Variants in DIS3L2 observed in about 807,000 individuals in gnomAD.
DIS3L2 encodes the protein DIS3-like exonuclease 2.
In DIS3L2, 34 loss-of-function variants were observed where a neutral mutation model predicts 97.5. That is an observed-to-expected ratio of 0.35 (90% CI 0.27 to 0.46). The LOEUF (loss-of-function observed/expected upper bound fraction) is 0.46. DIS3L2 is among the 20% of genes least tolerant of loss of function. The pLI is 1.00. For missense variants in DIS3L2, 1,038 were observed against 1,146.0 expected, an observed-to-expected ratio of 0.91 and a Z score of 1.36; for synonymous variants, 435 against 445.2, an observed-to-expected ratio of 0.98 and a Z score of 0.29.
chr2:232,099,106 G>T (rs1049805481), intron 6 of DIS3L2, among the ~76,000 whole-genome samples: 1 of 152,050 alleles, frequency 6.6e-6, no homozygotes, highest in Admixed American at 6.5e-5. Flanking sequence ...GTCTATTTCT[G>T]ATGTTGAACC....
At chr2:232,035,713 C>T (rs1694933304) in intron 5 of DIS3L2, among the ~76,000 whole-genome samples, 1 of 152,196 alleles carries the variant, frequency 6.6e-6, no homozygotes, top group South Asian at 2.1e-4. Context: ...CAGAATCCCT[C>T]AGGATTTGCA....
rs184202322 is a variant in DIS3L2 at position 231,974,792 on chromosome 2, T to A, written c.-94+13027T>A. On this transcript the variant is annotated intron_variant, in intron 1 of 20. Coordinates refer to ENST00000325385, the MANE Select transcript of DIS3L2 (RefSeq NM_152383.5). ...AAATTATAAGTGATAAAAGGATGTATTATAATCTTCTGATCTCTTAGGCTA... is the reference window on the plus strand; with the variant it reads ...AAATTATAAGTGATAAAAGGATGTAATATAATCTTCTGATCTCTTAGGCTA... Among the ~76,000 whole-genome samples, 97 of 152,278 alleles carry A rather than the reference T, an allele frequency of 6.4e-4. No homozygotes were observed. In the East Asian group the frequency reaches 0.018, roughly 29 times the overall value.
At chr2:232,266,462 G>A (rs142095490) in intron 13 of DIS3L2, among the ~76,000 whole-genome samples, 8 of 152,270 alleles carry the variant, frequency 5.3e-5, no homozygotes, top group Admixed American at 1.3e-4. Flanking sequence ...AAAACCCTCC[G>A]AAGTCCTAAT....
At chr2:232,171,482 G>A (rs1690989732) in intron 9 of DIS3L2, among the ~76,000 whole-genome samples, 1 of 152,160 alleles carries the variant, frequency 6.6e-6, no homozygotes, top group African/African-American at 2.4e-5. Flanking sequence ...GTGATTGTCT[G>A]CCGCATTTAT....
chr2:231,975,354 G>A (rs981454940), intron 1 of DIS3L2, among the ~76,000 whole-genome samples: 3 of 151,972 alleles, frequency 2.0e-5, no homozygotes, highest in African/African-American at 7.2e-5. Flanking sequence ...TTGAGGCTAA[G>A]AATCCAGGGA....
intron 15 of DIS3L2, 89 bp from the exon 16 acceptor site, chr2:232,330,601 G>C: frequency 7.3e-7 from 1 of 1,368,512 alleles, no homozygotes; most frequent in Non-Finnish European, 1.0e-6. Context: ...CCCCAGAGCC[G>C]GGCATGAGGT....
intron 6 of DIS3L2, among the ~76,000 whole-genome samples, chr2:232,095,642 A>G (rs1398353352): frequency 6.6e-6 from 1 of 152,180 alleles, no homozygotes; most frequent in Non-Finnish European, 1.5e-5. Flanking sequence ...CTGTGTACCT[A>G]CTATTATCAG....
rs905489834 is a variant in DIS3L2, at chr2:232,048,790, T to A, written c.366+18710T>A. 1.1e-4 allele frequency among the ~76,000 whole-genome samples: 16 copies of A among 151,698 alleles called. 1 individual carries two copies. Among genetic ancestry groups the A allele is most frequent in the African/African-American group, 3.6e-4 (15 of 41,274 alleles). On this transcript the variant is annotated intron_variant, in intron 5 of 20. Transcript: ENST00000325385. The stretch of plus-strand genomic sequence containing the variant: ...TGTTTGTTGCTGTTGTTGAAGGAGG[T>A]TGTTTATTATCATTGTTGTTATAGT...
At chr2:232,110,797 A>G (rs999275852) in intron 6 of DIS3L2, among the ~76,000 whole-genome samples, 1 of 152,120 alleles carries the variant, frequency 6.6e-6, no homozygotes, top group East Asian at 1.9e-4. Flanking sequence ...GCGGACCACC[A>G]TGGTCACCAT....
intron 1 of DIS3L2, 125 bp from the exon 2 acceptor site, chr2:232,014,710 A>T (rs1694304260): frequency 2.1e-6 from 1 of 469,698 alleles, no homozygotes; most frequent in African/African-American, 2.0e-5. Flanking sequence ...TGCCCCAGAG[A>T]ATGTGATGCC....
At chr2:232,190,167 A>C (rs1289519608) in intron 9 of DIS3L2, among the ~76,000 whole-genome samples, 1 of 152,136 alleles carries the variant, frequency 6.6e-6, no homozygotes, top group African/African-American at 2.4e-5. Flanking sequence ...CATCTTTACA[A>C]AAAATTAAAA....
intron 14 of DIS3L2, among the ~76,000 whole-genome samples, chr2:232,322,522 G>A (rs1209692628): frequency 6.6e-6 from 1 of 152,244 alleles, no homozygotes; most frequent in African/African-American, 2.4e-5. Context: ...GGATGAGGAA[G>A]TGCAGAGACC....
At chr2:232,283,786 C>T (rs955531575) in intron 13 of DIS3L2, among the ~76,000 whole-genome samples, 9 of 151,920 alleles carry the variant, frequency 5.9e-5, no homozygotes, top group African/African-American at 1.9e-4. Flanking sequence ...CTAGGGATGG[C>T]GGGGGGAGCA....
At chr2:232,025,766 A>G (rs1036728112) in intron 4 of DIS3L2, among the ~76,000 whole-genome samples, 1 of 152,236 alleles carries the variant, frequency 6.6e-6, no homozygotes, top group African/African-American at 2.4e-5. Flanking sequence ...AAAATCTCTT[A>G]GGAAGGTGCT....
intron 16 of DIS3L2, chr2:232,331,524 G>A (rs1466148956): frequency 6.6e-6 from 1 of 152,254 alleles, no homozygotes; most frequent in African/African-American, 2.4e-5. Flanking sequence ...AAGCTCTGCT[G>A]GGTTTGAAGC....
chr2:231,989,708 C>T (rs1032557811), intron 1 of DIS3L2, among the ~76,000 whole-genome samples: 1 of 151,990 alleles, frequency 6.6e-6, no homozygotes, highest in Non-Finnish European at 1.5e-5. Context: ...TGGTGGTATA[C>T]GCCTATAGTC....
chr2:232,211,426 G>A (rs996837743), intron 10 of DIS3L2, among the ~76,000 whole-genome samples: 1 of 152,146 alleles, frequency 6.6e-6, no homozygotes, highest in Non-Finnish European at 1.5e-5. Flanking sequence ...CATCACAGGC[G>A]TCAACCACCA....
chr2:232,269,500 TGA>T lies in DIS3L2; in HGVS notation c.1659+6066_1659+6067del, dbSNP rs1574983658. 6.6e-6 allele frequency among the ~76,000 whole-genome samples: 1 copy of T among 152,164 alleles called. No homozygotes were observed. The highest frequency in any genetic ancestry group is 1.5e-5 in the Non-Finnish European group (1 of 68,032). On this transcript the variant is annotated intron_variant, in intron 13 of 20. Transcript: ENST00000325385. The surrounding 1 kb of genome is among the most constrained non-coding windows in gnomAD (Gnocchi z 4.5). ...TTCTATAAATAATATAGGAAAATAA[TGA>T]GAGAGCCAGCAGGCCACACAGAAAA...
At position 232,221,889 on chromosome 2, in the gene DIS3L2, A is replaced by G. The variant is rs574281496; in HGVS notation, c.1204+11484A>G. Among the ~76,000 whole-genome samples the G allele has an allele frequency of 2.8e-3, 429 of 152,284 alleles. 1 individual carries two copies. The highest frequency in any genetic ancestry group is 4.7e-3 in the Non-Finnish European group (317 of 68,018). On this transcript the variant is annotated intron_variant, in intron 10 of 20. Coordinates refer to ENST00000325385, the MANE Select transcript of DIS3L2 (RefSeq NM_152383.5). ...TGTCTCTGACATCTTCATGATGCCC[A>G]GTGCTTCGAATGCTGTTACTCCTAT...
Sources: gnomAD v4.1 joint callset for allele counts (sites outside exome capture counted in the v4.1 genomes callset) on GRCh38, gnomAD v4.1.1 for gene constraint, Gnocchi (gnomAD v3.1) non-coding constraint, MANE v1.5 for transcripts, NCBI Gene and HGNC (gene_info 2026-07-23, HGNC 2026-07-21) for gene names.